The following PTH2R variants were observed in gnomAD, a reference collection of about 807,000 sequenced individuals.
PTH2R encodes the protein parathyroid hormone 2 receptor.
A neutral mutation model predicts 60.3 loss-of-function variants in PTH2R; 59 were observed. The observed-to-expected ratio is 0.98, with a 90% CI of 0.79 to 1.22. The LOEUF (loss-of-function observed/expected upper bound fraction) is 1.22, where lower values mean the gene tolerates loss of function less well. Ranked by LOEUF, PTH2R falls within the 50% of genes most tolerant of loss-of-function variation. The pLI is 0.00. For missense variants in PTH2R, 749 were observed against 682.6 expected (o/e 1.10, Z -1.08); for synonymous variants, 256 against 243.8 (o/e 1.05, Z -0.47).
intron 9 of PTH2R, among the ~76,000 whole-genome samples, chr2:208,463,082 G>A (rs1414835877): frequency 6.6e-6 from 1 of 152,156 alleles, no homozygotes; most frequent in Non-Finnish European, 1.5e-5. Context: ...AGGACATGGG[G>A]CTGAGAGAGT....
At chr2:208,425,134 T>C (rs139138642) in intron 1 of PTH2R, among the ~76,000 whole-genome samples, 1 of 152,280 alleles carries the variant, frequency 6.6e-6, no homozygotes, top group Non-Finnish European at 1.5e-5. Flanking sequence ...AATAATTACA[T>C]AAGATTGAAT....
intron 1 of PTH2R, among the ~76,000 whole-genome samples, chr2:208,384,204 C>T (rs1013818645): frequency 3.3e-5 from 5 of 152,152 alleles, no homozygotes; most frequent in African/African-American, 4.8e-5. Flanking sequence ...AGCAGGTTTC[C>T]GGGTGAAGGT....
chr2:208,462,837 C>T (rs148938482), intron 9 of PTH2R, among the ~76,000 whole-genome samples: 122 of 152,278 alleles, frequency 8.0e-4, no homozygotes, highest in African/African-American at 2.9e-3. Flanking sequence ...GGAATAATGT[C>T]AAGAGCTGAG....
intron 4 of PTH2R, among the ~76,000 whole-genome samples, chr2:208,441,085 C>T (rs1702171292): frequency 1.3e-5 from 2 of 152,162 alleles, no homozygotes; most frequent in African/African-American, 2.4e-5. Flanking sequence ...AGGCAGCAGC[C>T]AATTGCAAGA....
intron 9 of PTH2R, among the ~76,000 whole-genome samples, chr2:208,472,137 A>G (rs1559230236): frequency 6.6e-6 from 1 of 152,144 alleles, no homozygotes; most frequent in Non-Finnish European, 1.5e-5. Flanking sequence ...GGCAGAAGGG[A>G]CTTGCCTTGT....
chr2:208,419,849 G>A (rs1011293179), intron 1 of PTH2R, among the ~76,000 whole-genome samples: 2 of 152,056 alleles, frequency 1.3e-5, no homozygotes, highest in South Asian at 2.1e-4. Context: ...TGTTTATTGC[G>A]GCACTATTCA....
intron 1 of PTH2R, among the ~76,000 whole-genome samples, chr2:208,381,933 G>A (rs1700922286): frequency 6.6e-6 from 1 of 152,118 alleles, no homozygotes; most frequent in Non-Finnish European, 1.5e-5. Flanking sequence ...GAATTTGTTA[G>A]AGAGCAAGGA....
At chr2:208,454,141 A>G (rs1043640725) in intron 8 of PTH2R, among the ~76,000 whole-genome samples, 1 of 152,166 alleles carries the variant, frequency 6.6e-6, no homozygotes, top group Non-Finnish European at 1.5e-5. Context: ...GAGGGGCTAC[A>G]TGATGAATGA....
chr2:208,466,617 C>T (rs989185485), intron 9 of PTH2R: 2 of 152,156 alleles, frequency 1.3e-5, no homozygotes, highest in Non-Finnish European at 2.9e-5. Context: ...ATAGAGACCT[C>T]CTAACTCATT....
chr2:208,456,167 G>C lies in PTH2R; in HGVS notation c.915-3728G>C, dbSNP rs149377539. 6.5e-3 allele frequency among the ~76,000 whole-genome samples: 990 copies of C among 152,060 alleles called. 13 individuals carry two copies. Among genetic ancestry groups the C allele is most frequent in the African/African-American group, 0.022 (904 of 41,462 alleles). Reference sequence around the variant, plus strand: ...TGAGGCAGGAGAATCGCCTGAACTGGGGAAGCAGAGGCTACAGTGAGCCGA... The same window carrying C: ...TGAGGCAGGAGAATCGCCTGAACTGCGGAAGCAGAGGCTACAGTGAGCCGA... On this transcript the variant is annotated intron_variant, in intron 8 of 12. Coordinates refer to ENST00000272847, the MANE Select transcript of PTH2R (RefSeq NM_005048.4).
intron 1 of PTH2R, among the ~76,000 whole-genome samples, chr2:208,384,572 T>C (rs1700971317): frequency 6.6e-6 from 1 of 152,244 alleles, no homozygotes; most frequent in African/African-American, 2.4e-5. Context: ...TCAGTGCTGC[T>C]GCTGAGTGCT....
intron 8 of PTH2R, among the ~76,000 whole-genome samples, chr2:208,454,645 T>A (rs1702474131): frequency 6.6e-6 from 1 of 152,206 alleles, no homozygotes; most frequent in South Asian, 2.1e-4. Flanking sequence ...CTATCACACG[T>A]CAAGCAGATT....
intron 4 of PTH2R, among the ~76,000 whole-genome samples, chr2:208,438,255 T>C (rs967592383): frequency 1.3e-5 from 2 of 152,242 alleles, no homozygotes; most frequent in African/African-American, 4.8e-5. Flanking sequence ...CTCATCTGTA[T>C]ATTCCAGAAG....
At chr2:208,459,719 A>G (rs1430684726) in intron 8 of PTH2R, among the ~76,000 whole-genome samples, 176 bp from the exon 9 acceptor site, 1 of 152,076 alleles carries the variant, frequency 6.6e-6, no homozygotes, top group Non-Finnish European at 1.5e-5. Flanking sequence ...GAAAATCAAT[A>G]CCCGTTACAC....
chr2:208,463,703 C>A (rs1040671774), intron 9 of PTH2R, among the ~76,000 whole-genome samples: 11 of 152,180 alleles, frequency 7.2e-5, no homozygotes, highest in Non-Finnish European at 1.5e-4. Flanking sequence ...CTACTCCCTG[C>A]AACACATTAA....
intron 11 of PTH2R, among the ~76,000 whole-genome samples, chr2:208,490,065 T>C (rs1703368138): frequency 6.6e-6 from 1 of 152,176 alleles, no homozygotes; most frequent in Non-Finnish European, 1.5e-5. Flanking sequence ...TTTCTTTTCT[T>C]GCATAACCCT....
intron 8 of PTH2R, among the ~76,000 whole-genome samples, chr2:208,453,938 T>C (rs954574785): frequency 2.6e-5 from 4 of 152,192 alleles, no homozygotes; most frequent in Non-Finnish European, 5.9e-5. Flanking sequence ...GATCATTATA[T>C]ATAAACAGAA....
chr2:208,481,023 T>C, intron 9 of PTH2R, 47 bp from the exon 10 acceptor site: 1 of 1,321,288 alleles, frequency 7.6e-7, no homozygotes. Flanking sequence ...TTTATAAAAA[T>C]CTTGAAGACT....
chr2:208,378,917 C>T (rs975782084), intron 1 of PTH2R, among the ~76,000 whole-genome samples: 2 of 152,120 alleles, frequency 1.3e-5, no homozygotes, highest in African/African-American at 4.8e-5. Flanking sequence ...GATAGTTACA[C>T]TGCAGGGTGG....
Sources: gnomAD v4.1 joint callset for allele counts (sites outside exome capture counted in the v4.1 genomes callset) on GRCh38, gnomAD v4.1.1 for gene constraint, MANE v1.5 for transcripts, NCBI Gene and HGNC (gene_info 2026-07-23, HGNC 2026-07-21) for gene names.